The following ABCC4 variants were observed in gnomAD, a reference collection of about 807,000 sequenced individuals.
ABCC4 encodes the protein ATP binding cassette subfamily C member 4 (PEL blood group).
A neutral mutation model predicts 168.5 loss-of-function variants in ABCC4; 102 were observed. The ratio of observed to expected loss-of-function variants is 0.61; its 90% CI spans 0.52 to 0.71. The LOEUF (loss-of-function observed/expected upper bound fraction) is 0.71. Among genes scored for constraint, ABCC4 ranks in the 30% least tolerant of loss-of-function variants. The pLI, the probability that ABCC4 is intolerant of heterozygous loss-of-function variation, is 0.00. For synonymous variants in ABCC4, 617 were observed against 590.7 expected (o/e 1.04, Z -0.65); for missense variants, 1,402 against 1,605.8 (o/e 0.87, Z 2.17).
intron 29 of ABCC4, among the ~76,000 whole-genome samples, chr13:95,039,086 T>C (rs1292737890): frequency 6.6e-6 from 1 of 152,204 alleles, no homozygotes; most frequent in East Asian, 1.9e-4. Context: ...ATGCTAAGAA[T>C]AGAACTTTAC....
At position 95,160,726 on chromosome 13, in the gene ABCC4, C is replaced by T. The variant is rs950186971; in HGVS notation, c.2455+463G>A. Among the ~76,000 whole-genome samples, 9 of 152,242 alleles carry T rather than the reference C, an allele frequency of 5.9e-5. 1 individual carries two copies. The highest frequency in any genetic ancestry group is 1.0e-4 in the Non-Finnish European group (7 of 68,012). On this transcript the variant is annotated intron_variant, in intron 19 of 30. Coordinates refer to ENST00000645237, the MANE Select transcript of ABCC4 (RefSeq NM_005845.5). ...AAAACCCTGTGTTTCCAGAAATGAA[C>T]GGGTTTCCCAATGAAAGAAAGAAAT...
chr13:95,056,195 G>A (rs543053145), intron 26 of ABCC4, among the ~76,000 whole-genome samples: 2 of 152,136 alleles, frequency 1.3e-5, no homozygotes, highest in South Asian at 2.1e-4. Context: ...AGGAAACTTC[G>A]CTCTCTTAAA....
chr13:95,168,590 T>C (rs1420013972), intron 14 of ABCC4, among the ~76,000 whole-genome samples: 1 of 152,252 alleles, frequency 6.6e-6, no homozygotes, highest in Non-Finnish European at 1.5e-5. Flanking sequence ...CTCGTTTTTG[T>C]TATTTCCATC....
intron 30 of ABCC4, among the ~76,000 whole-genome samples, chr13:95,028,949 T>C (rs536799679): frequency 1.3e-5 from 2 of 152,014 alleles, no homozygotes; most frequent in South Asian, 4.2e-4. Context: ...GTGGGTTACC[T>C]GAGGTCAGAA....
At chr13:95,268,022 G>T (rs2040730591) in intron 1 of ABCC4, among the ~76,000 whole-genome samples, 1 of 152,210 alleles carries the variant, frequency 6.6e-6, no homozygotes, top group African/African-American at 2.4e-5. Flanking sequence ...ACACTACTAT[G>T]TGGGGAGAAG....
At chr13:95,268,944 G>C (rs867500368) in intron 1 of ABCC4, among the ~76,000 whole-genome samples, 10 of 152,056 alleles carry the variant, frequency 6.6e-5, no homozygotes, top group Non-Finnish European at 5.9e-5. Flanking sequence ...TCTTTTCTCA[G>C]TCTCTCGTCC....
intron 1 of ABCC4, among the ~76,000 whole-genome samples, 165 bp from the exon 2 acceptor site, chr13:95,247,918 GCA>G (rs34133084): frequency 1.4e-5 from 2 of 142,652 alleles, no homozygotes; most frequent in Non-Finnish European, 1.5e-5. Context: ...GTTAACATGT[GCA>G]CACACACACA....
intron 27 of ABCC4, among the ~76,000 whole-genome samples, chr13:95,046,786 G>C (rs1259800744): frequency 6.6e-6 from 1 of 151,958 alleles, no homozygotes; most frequent in East Asian, 1.9e-4. Context: ...AGATATGAAT[G>C]TGAAGGCCCT....
chr13:95,056,205 AAT>A (rs934778464), intron 26 of ABCC4, among the ~76,000 whole-genome samples: 17 of 152,144 alleles, frequency 1.1e-4, no homozygotes, highest in African/African-American at 3.9e-4. Flanking sequence ...GCTCTCTTAA[AAT>A]ATACACTGCA....
intron 27 of ABCC4, 29 bp from the exon 28 acceptor site, chr13:95,044,467 T>A (rs755321169): frequency 2.4e-5 from 38 of 1,576,778 alleles, no homozygotes; most frequent in Non-Finnish European, 3.3e-5. Context: ...GAATGACTGC[T>A]ATCATTCAAG....
chr13:95,173,941 C>T (rs142072593), intron 13 of ABCC4, among the ~76,000 whole-genome samples: 128 of 152,322 alleles, frequency 8.4e-4, no homozygotes, highest in African/African-American at 2.5e-3. Context: ...AAACTGCTGG[C>T]GCCTTGATCT....
At chr13:95,151,453 C>T (rs1359808312) in intron 19 of ABCC4, among the ~76,000 whole-genome samples, 14 of 125,914 alleles carry the variant, frequency 1.1e-4, no homozygotes, top group Admixed American at 3.7e-4. Flanking sequence ...CCAGCCTAGG[C>T]AACAGACCAA....
At chr13:95,136,085 TTAAG>T (rs528107526) in intron 19 of ABCC4, among the ~76,000 whole-genome samples, 2 of 152,246 alleles carry the variant, frequency 1.3e-5, no homozygotes, top group African/African-American at 4.8e-5. Flanking sequence ...TAATATAAAA[TTAAG>T]TAGAACAGTA....
At chr13:95,085,389 G>A (rs1020254989) in intron 20 of ABCC4, among the ~76,000 whole-genome samples, 5 of 152,120 alleles carry the variant, frequency 3.3e-5, no homozygotes, top group Admixed American at 6.6e-5. Context: ...GCAGTGATCC[G>A]AGATGGTGCC....
At chr13:95,024,526 G>GC (rs1387604713) in intron 30 of ABCC4, among the ~76,000 whole-genome samples, 1 of 152,152 alleles carries the variant, frequency 6.6e-6, no homozygotes, top group African/African-American at 2.4e-5. Flanking sequence ...AGCAATACAA[G>GC]CTCCCGCACG....
intron 20 of ABCC4, among the ~76,000 whole-genome samples, chr13:95,096,839 G>A (rs1402646923): frequency 6.6e-6 from 1 of 152,154 alleles, no homozygotes; most frequent in Non-Finnish European, 1.5e-5. Flanking sequence ...CCAGATGGAA[G>A]CTCAGACTTC....
At chr13:95,166,585 T>C (rs997665488) in intron 14 of ABCC4, among the ~76,000 whole-genome samples, 1 of 152,218 alleles carries the variant, frequency 6.6e-6, no homozygotes, top group Non-Finnish European at 1.5e-5. Flanking sequence ...ATTTTTAAAA[T>C]GGTAATAGTG....
chr13:95,276,617 C>G (rs531269292), intron 1 of ABCC4, among the ~76,000 whole-genome samples: 3 of 152,292 alleles, frequency 2.0e-5, no homozygotes, highest in Admixed American at 2.0e-4. Context: ...CTCTTTCCCT[C>G]AAAGACACCA....
chr13:95,295,837 G>T (rs1252300568), intron 1 of ABCC4, among the ~76,000 whole-genome samples: 1 of 149,428 alleles, frequency 6.7e-6, no homozygotes, highest in Non-Finnish European at 1.5e-5. Flanking sequence ...CATAGTGGCA[G>T]GCACCTGTAG....
Sources: gnomAD v4.1 joint callset for allele counts (sites outside exome capture counted in the v4.1 genomes callset) on GRCh38, gnomAD v4.1.1 for gene constraint, MANE v1.5 for transcripts, NCBI Gene and HGNC (gene_info 2026-07-23, HGNC 2026-07-21) for gene names.